Variants in PACS1 observed in about 807,000 individuals in gnomAD.
The protein encoded by PACS1 is PACS-1.
A neutral mutation model predicts 115.0 loss-of-function variants in PACS1; 24 were observed. That is an observed-to-expected ratio of 0.21 (90% CI 0.15 to 0.29). The LOEUF (loss-of-function observed/expected upper bound fraction) is 0.29. PACS1 is among the 10% of genes least tolerant of loss of function. The pLI, the probability that PACS1 is intolerant of heterozygous loss-of-function variation, is 1.00. For synonymous variants in PACS1, 453 were observed against 504.5 expected (o/e 0.90, Z 1.37); for missense variants, 838 against 1,251.2 (o/e 0.67, Z 4.98).
At chr11:66,200,842 C>CTT (rs373372144) in intron 2 of PACS1, among the ~76,000 whole-genome samples, 1 of 148,938 alleles carries the variant, frequency 6.7e-6, no homozygotes, top group African/African-American at 2.5e-5. Context: ...GCAGAATACA[C>CTT]TTTTTTTTTT....
intron 1 of PACS1, among the ~76,000 whole-genome samples, chr11:66,082,375 C>T (rs1332547604): frequency 2.6e-5 from 4 of 152,138 alleles, no homozygotes; most frequent in Admixed American, 6.6e-5. Flanking sequence ...TCACCATACC[C>T]GGCTAATTTT....
At chr11:66,211,014 C>G in intron 3 of PACS1, 120 bp from the exon 4 acceptor site, 4 of 1,202,354 alleles carry the variant, frequency 3.3e-6, no homozygotes, top group Non-Finnish European at 4.8e-6. Flanking sequence ...CCTTTCAACC[C>G]TGACTGCCCC....
intron 1 of PACS1, among the ~76,000 whole-genome samples, chr11:66,138,640 A>C (rs1485006865): frequency 6.6e-6 from 1 of 151,030 alleles, no homozygotes; most frequent in Non-Finnish European, 1.5e-5. Flanking sequence ...ACTGCTGATG[A>C]AGCTACTAAA....
At chr11:66,162,610 T>TAC (rs1026150161) in intron 1 of PACS1, among the ~76,000 whole-genome samples, 1 of 152,228 alleles carries the variant, frequency 6.6e-6, no homozygotes, top group African/African-American at 2.4e-5. Context: ...CAGCCCTGCC[T>TAC]ACACCTTGGT....
chr11:66,136,149 A>G (rs766536399), intron 1 of PACS1, among the ~76,000 whole-genome samples: 5 of 152,070 alleles, frequency 3.3e-5, no homozygotes, highest in African/African-American at 7.2e-5. Context: ...TGCTGCTGAG[A>G]CCTCACACTC....
chr11:66,081,543 A>G (rs1382072522), intron 1 of PACS1, among the ~76,000 whole-genome samples: 1 of 152,218 alleles, frequency 6.6e-6, no homozygotes, highest in East Asian at 1.9e-4. Flanking sequence ...CCTGAGGCAC[A>G]GATCCTGCCA....
chr11:66,085,224 G>GT (rs1857544879), intron 1 of PACS1, among the ~76,000 whole-genome samples: 1 of 152,060 alleles, frequency 6.6e-6, no homozygotes, highest in African/African-American at 2.4e-5. Context: ...TGAAAGACTG[G>GT]TTTGCTGTAT....
intron 1 of PACS1, among the ~76,000 whole-genome samples, chr11:66,190,575 A>T (rs10896092): frequency 6.6e-6 from 1 of 151,988 alleles, no homozygotes; most frequent in Non-Finnish European, 1.5e-5. Context: ...TTTTAAGAGA[A>T]TGGGATCTTT....
intron 1 of PACS1, among the ~76,000 whole-genome samples, chr11:66,112,704 C>T (rs1481494296): frequency 6.6e-6 from 1 of 152,046 alleles, no homozygotes. Flanking sequence ...TGCCAGGGGT[C>T]GAGTTGTAGT....
chr11:66,209,121 C>T (rs989279688), intron 2 of PACS1, among the ~76,000 whole-genome samples: 29 of 149,982 alleles, frequency 1.9e-4, no homozygotes, highest in Admixed American at 1.2e-3. Context: ...GGTTTGGAGG[C>T]GGGGAGGTTA....
At chr11:66,222,925 T>TG (rs1855384411) in intron 10 of PACS1, among the ~76,000 whole-genome samples, 1 of 151,910 alleles carries the variant, frequency 6.6e-6, no homozygotes, top group Non-Finnish European at 1.5e-5. Context: ...AGGCAATGCA[T>TG]GGGAAACTGC....
chr11:66,173,333 T>G (rs1859782815), intron 1 of PACS1, among the ~76,000 whole-genome samples: 1 of 152,228 alleles, frequency 6.6e-6, no homozygotes. Flanking sequence ...ATTGAAGACA[T>G]TTTTTATTTT....
intron 1 of PACS1, among the ~76,000 whole-genome samples, chr11:66,077,049 C>T (rs1055278022): frequency 6.6e-6 from 1 of 152,158 alleles, no homozygotes; most frequent in Admixed American, 6.6e-5. Context: ...CCAAGATATG[C>T]ACCAGCTCTA....
intron 1 of PACS1, among the ~76,000 whole-genome samples, chr11:66,117,805 A>G (rs1381794974): frequency 6.6e-6 from 1 of 152,038 alleles, no homozygotes; most frequent in Non-Finnish European, 1.5e-5. Flanking sequence ...AGATTGCGCC[A>G]TTGCACTCCA....
At chr11:66,222,617 C>G (rs1187622742) in intron 10 of PACS1, among the ~76,000 whole-genome samples, 2 of 152,174 alleles carry the variant, frequency 1.3e-5, no homozygotes, top group Non-Finnish European at 1.5e-5. Flanking sequence ...ATCAAAGAAA[C>G]AAATCCTTTA....
intron 2 of PACS1, among the ~76,000 whole-genome samples, chr11:66,200,079 G>A (rs926941289): frequency 6.6e-6 from 1 of 151,876 alleles, no homozygotes; most frequent in African/African-American, 2.4e-5. Flanking sequence ...GCTAGGCACA[G>A]TGGCTCATGC....
rs1455833280 is a variant in PACS1, at chr11:66,221,417, TC to T, written c.1293+171del. 9.0e-5 allele frequency: 56 copies of T among 623,888 alleles called. 1 individual carries two copies. Among genetic ancestry groups the T allele is most frequent in the South Asian group, 8.7e-4 (47 of 54,128 alleles). 38.6% of individuals were successfully genotyped at this position (623,888 alleles called of 1,614,324 possible). The stretch of plus-strand genomic sequence containing the variant: ...AATCCTGGCACTTTGGGAGGTGGAG[TC>T]GGGCAGATCATGAGGTCAAGAGATT... On this transcript the variant is annotated intron_variant, in intron 10 of 23. Coordinates refer to ENST00000320580, the MANE Select transcript of PACS1 (RefSeq NM_018026.4).
chr11:66,217,161 CAT>C (rs1026074464), intron 7 of PACS1: 5 of 297,546 alleles, frequency 1.7e-5, no homozygotes, highest in African/African-American at 8.7e-5. Flanking sequence ...TAGTTTTAAT[CAT>C]GTGCTGAACT....
chr11:66,214,170 T>C (rs1481877049), intron 4 of PACS1, among the ~76,000 whole-genome samples: 13 of 152,092 alleles, frequency 8.5e-5, no homozygotes, highest in Admixed American at 8.5e-4. Context: ...TTTTTAAAAT[T>C]ATTTCTGTAC....
Sources: gnomAD v4.1 joint callset for allele counts (sites outside exome capture counted in the v4.1 genomes callset) on GRCh38, gnomAD v4.1.1 for gene constraint, MANE v1.5 for transcripts, NCBI Gene and HGNC (gene_info 2026-07-23, HGNC 2026-07-21) for gene names.